The following KIAA1958 variants were observed in gnomAD, a reference collection of about 807,000 sequenced individuals.
The protein encoded by KIAA1958 is uncharacterized protein KIAA1958.
A neutral mutation model predicts 47.2 loss-of-function variants in KIAA1958; 14 were observed. That is an observed-to-expected ratio of 0.30 (90% confidence interval 0.20 to 0.46). The LOEUF is 0.46. Ranked by LOEUF, KIAA1958 falls within the 20% of genes least tolerant of loss-of-function variation. The pLI is 1.00. For synonymous variants in KIAA1958, 354 were observed against 353.3 expected, an observed-to-expected ratio of 1.00 and a Z score of -0.02; for missense variants, 803 against 909.2, an observed-to-expected ratio of 0.88 and a Z score of 1.50.
At chr9:112,637,579 T>C (rs1215223784) in intron 2 of KIAA1958, among the ~76,000 whole-genome samples, 1 of 151,998 alleles carries the variant, frequency 6.6e-6, no homozygotes, top group Non-Finnish European at 1.5e-5. Context: ...CTGTTCACCA[T>C]GTTGGCCAGG....
At chr9:112,546,070 T>C (rs942417890) in intron 1 of KIAA1958, among the ~76,000 whole-genome samples, 2 of 151,958 alleles carry the variant, frequency 1.3e-5, no homozygotes, top group African/African-American at 4.8e-5. Flanking sequence ...AGAAATGAGA[T>C]AGGAGTTCTG....
At chr9:112,566,336 G>A (rs899284032) in intron 1 of KIAA1958, among the ~76,000 whole-genome samples, 2 of 152,046 alleles carry the variant, frequency 1.3e-5, no homozygotes, top group African/African-American at 4.8e-5. Flanking sequence ...AGGGCCTTCA[G>A]CAAAGGTACT....
intron 1 of KIAA1958, among the ~76,000 whole-genome samples, chr9:112,507,744 G>T (rs929147867): frequency 6.6e-6 from 1 of 151,992 alleles, no homozygotes; most frequent in Non-Finnish European, 1.5e-5. Context: ...CTAAAATGCT[G>T]TATCTGTTTT....
chr9:112,635,212 TTTTGTGTGTGTGTGTGTGTGTG>T (rs1437790163), intron 2 of KIAA1958, among the ~76,000 whole-genome samples: 1 of 130,436 alleles, frequency 7.7e-6, no homozygotes, highest in Non-Finnish European at 1.6e-5. Context: ...AGATTCTTTA[TTTTGTGTGTGTGTGTGTGTGTG>T]TGTGTGTGTG....
rs1290882128 is a variant in KIAA1958 at position 112,661,017 on chromosome 9, A to G, written c.*948A>G. ...TGGATCTATAAAACAACTAAAGGTA[A>G]TTTTTAGTCTTAGCCAAGAAAAGCT... On this transcript the variant is annotated 3_prime_UTR_variant, in exon 4 of 4. Transcript: ENST00000337530. The G allele has an allele frequency of 6.6e-6, 1 of 152,136 alleles. No individual in the cohort carries two copies. The highest frequency in any genetic ancestry group is 2.4e-5 in the African/African-American group (1 of 41,426). The allele number at this position is 152,136 out of a possible 1,614,324, so 9.4% of individuals were successfully genotyped here.
intron 1 of KIAA1958, among the ~76,000 whole-genome samples, chr9:112,523,268 G>A (rs1452843145): frequency 6.6e-6 from 1 of 152,072 alleles, no homozygotes. Flanking sequence ...TGGGCAACAT[G>A]GTGAAACCCT....
chr9:112,665,167 C>G lies in KIAA1958; in HGVS notation c.*5098C>G, dbSNP rs1002835339. The stretch of plus-strand genomic sequence containing the variant: ...CTATTAATAGCAATTAGATAACTCT[C>G]CCTCCCCCCATTGAGGTGAGAATGG... On this transcript the variant is annotated 3_prime_UTR_variant, in exon 4 of 4. Coordinates refer to ENST00000337530, the MANE Select transcript of KIAA1958 (RefSeq NM_133465.4). The G allele has an allele frequency of 1.3e-5, 2 of 152,142 alleles. No homozygotes were observed. Among genetic ancestry groups the G allele is most frequent in the African/African-American group, 4.8e-5 (2 of 41,428 alleles). The allele number at this position is 152,142 out of a possible 1,614,324, so 9.4% of individuals were successfully genotyped here.
intron 1 of KIAA1958, among the ~76,000 whole-genome samples, chr9:112,502,439 TTTAATGTGTTTAAAGTCATGCTGAGC>T (rs1834158482): frequency 2.5e-4 from 1 of 4,014 alleles, no homozygotes; most frequent in Non-Finnish European, 5.0e-4. Flanking sequence ...AAATGCTGAG[TTTAATGTGTTTAAAGTCATGCTGAGC>T]TTTAATGTGT....
At chr9:112,588,048 A>G (rs1407716829) in intron 2 of KIAA1958, among the ~76,000 whole-genome samples, 4 of 152,314 alleles carry the variant, frequency 2.6e-5, no homozygotes, top group East Asian at 1.9e-4. Context: ...AAGGATGAGG[A>G]TATTAGGGAT....
intron 1 of KIAA1958, among the ~76,000 whole-genome samples, chr9:112,530,222 T>C (rs536874999): frequency 6.6e-5 from 10 of 152,294 alleles, no homozygotes; most frequent in African/African-American, 2.4e-4. Flanking sequence ...TCTCTCCCAT[T>C]TATTTATTTA....
At chr9:112,563,261 G>C (rs1004377843) in intron 1 of KIAA1958, among the ~76,000 whole-genome samples, 4 of 151,902 alleles carry the variant, frequency 2.6e-5, no homozygotes, top group South Asian at 2.1e-4. Flanking sequence ...AGTCTTTAAC[G>C]TGACTTGCAA....
At chr9:112,647,024 C>A (rs1836987038) in intron 3 of KIAA1958, among the ~76,000 whole-genome samples, 1 of 152,098 alleles carries the variant, frequency 6.6e-6, no homozygotes, top group African/African-American at 2.4e-5. Context: ...CAAGTGAGAT[C>A]TCCAGGTTTG....
rs144107979 is a variant in KIAA1958, at chr9:112,586,801, G to A, written c.1171+11550G>A. On this transcript the variant is annotated intron_variant, in intron 2 of 3. Coordinates refer to ENST00000337530, the MANE Select transcript of KIAA1958 (RefSeq NM_133465.4). ...TGCCAGGAACCACTTCAGAACTGAA[G>A]AGGTGTTGACCTTTCTAGCTTGGTA... 1.0e-3 allele frequency among the ~76,000 whole-genome samples: 159 copies of A among 152,318 alleles called. 1 individual carries two copies. The highest frequency in any genetic ancestry group is 1.9e-3 in the Non-Finnish European group (132 of 68,040).
intron 2 of KIAA1958, among the ~76,000 whole-genome samples, chr9:112,610,910 C>T (rs954060351): frequency 1.3e-5 from 2 of 152,206 alleles, no homozygotes; most frequent in East Asian, 3.9e-4. Flanking sequence ...AAGTGGGATT[C>T]ATAACAGACA....
intron 1 of KIAA1958, among the ~76,000 whole-genome samples, chr9:112,526,302 GA>G (rs1834650588): frequency 6.6e-6 from 1 of 151,688 alleles, no homozygotes; most frequent in Non-Finnish European, 1.5e-5. Context: ...TGCCCAGACT[GA>G]AGTGCAGTGG....
rs1837363990 is a variant in KIAA1958, at chr9:112,667,384, C to T, written c.*7315C>T. On this transcript the variant is annotated 3_prime_UTR_variant, in exon 4 of 4. Coordinates refer to ENST00000337530, the MANE Select transcript of KIAA1958 (RefSeq NM_133465.4). ...CTGAGGTCAGGAGTTCAAGACCAGC[C>T]TGGCCAACATGGTGAACCCCGTCTC... 1 of 152,254 alleles carries T rather than the reference C, an allele frequency of 6.6e-6. No individual in the cohort carries two copies. The highest frequency in any genetic ancestry group is 1.5e-5 in the Non-Finnish European group (1 of 68,106). 9.4% of individuals were successfully genotyped at this position (152,254 alleles called of 1,614,324 possible). A position where few individuals can be genotyped will look rare whatever the true frequency, so the allele number is the denominator to read the frequency against.
At chr9:112,591,157 C>A (rs1409062623) in intron 2 of KIAA1958, among the ~76,000 whole-genome samples, 1 of 152,164 alleles carries the variant, frequency 6.6e-6, no homozygotes, top group East Asian at 1.9e-4. Flanking sequence ...CACCTCGGCT[C>A]ACTGCAAGCT....
chr9:112,509,418 C>G (rs1262893868), intron 1 of KIAA1958, among the ~76,000 whole-genome samples: 1 of 151,766 alleles, frequency 6.6e-6, no homozygotes, highest in African/African-American at 2.4e-5. Context: ...TCAGGCTCAT[C>G]TCGAACTCCT....
At chr9:112,600,145 A>G (rs1467175191) in intron 2 of KIAA1958, among the ~76,000 whole-genome samples, 4 of 152,218 alleles carry the variant, frequency 2.6e-5, no homozygotes, top group Non-Finnish European at 1.5e-5. Context: ...CCTTGGCTGT[A>G]GCACAGAATG....
Sources: allele counts gnomAD v4.1 joint callset (sites outside exome capture counted in the v4.1 genomes callset), GRCh38; gene constraint gnomAD v4.1.1; transcripts MANE v1.5; gene names NCBI Gene and HGNC (gene_info 2026-07-23, HGNC 2026-07-21).